BPNT2: variants seen among roughly 807,000 people sequenced by gnomAD.
The protein encoded by BPNT2 is 3'(2'), 5'-bisphosphate nucleotidase 2.
In BPNT2, 11 loss-of-function variants were observed where a neutral mutation model predicts 29.3. That is an observed-to-expected ratio of 0.38 (90% CI 0.24 to 0.62). The LOEUF is 0.62. Among genes scored for constraint, BPNT2 ranks in the 20% least tolerant of loss-of-function variants. The probability of loss-of-function intolerance (pLI) is 0.62; values close to 1 mark genes in which losing one functional copy is unlikely to be tolerated. For missense variants in BPNT2, 459 were observed against 473.4 expected (o/e 0.97, Z 0.28); for synonymous variants, 195 against 187.7 (o/e 1.04, Z -0.32).
At chr8:56,964,153 C>A in intron 4 of BPNT2, 89 bp from the exon 5 acceptor site, 1 of 943,958 alleles carries the variant, frequency 1.1e-6, no homozygotes, top group Admixed American at 2.1e-5. Flanking sequence ...GTTAAAATAG[C>A]AGGATGGAGT....
chr8:56,970,700 T>A (rs546556638), intron 3 of BPNT2, among the ~76,000 whole-genome samples: 12 of 152,298 alleles, frequency 7.9e-5, no homozygotes, highest in African/African-American at 2.9e-4. Flanking sequence ...ATCTCCTTAC[T>A]TTTTAGAGAT....
At chr8:56,987,244 T>A (rs1024400244) in intron 1 of BPNT2, among the ~76,000 whole-genome samples, 1 of 152,188 alleles carries the variant, frequency 6.6e-6, no homozygotes, top group Non-Finnish European at 1.5e-5. Context: ...TATCATACCA[T>A]AGGTGTGATA....
intron 1 of BPNT2, among the ~76,000 whole-genome samples, chr8:56,985,858 T>C (rs1208580328): frequency 6.6e-6 from 1 of 152,200 alleles, no homozygotes; most frequent in Non-Finnish European, 1.5e-5. Flanking sequence ...CAGCAGAATA[T>C]AGACAAAAAT....
At chr8:56,972,743 T>A (rs532337734) in intron 3 of BPNT2, among the ~76,000 whole-genome samples, 29 of 152,140 alleles carry the variant, frequency 1.9e-4, no homozygotes, top group African/African-American at 6.7e-4. Flanking sequence ...GAGTAGCAGC[T>A]TCTACCAACC....
At chr8:56,964,257 A>G (rs1805900959) in intron 4 of BPNT2, 193 bp from the exon 5 acceptor site, 1 of 515,114 alleles carries the variant, frequency 1.9e-6, no homozygotes, top group Non-Finnish European at 3.4e-6. Flanking sequence ...CATTAAACTC[A>G]GAACAAAAAT....
intron 2 of BPNT2, among the ~76,000 whole-genome samples, chr8:56,979,041 A>G (rs115859011): frequency 3.3e-3 from 496 of 152,316 alleles, no homozygotes; most frequent in African/African-American, 0.011. Flanking sequence ...CCTGAACTTA[A>G]AAGTTTTAAA....
chr8:56,966,404 G>A, intron 3 of BPNT2, 52 bp from the exon 4 acceptor site: 1 of 1,504,668 alleles, frequency 6.6e-7, no homozygotes, highest in Non-Finnish European at 9.2e-7. Context: ...TAAAACTAAA[G>A]GTTATATTCT....
rs1805830982 is a variant in BPNT2 at position 56,961,412 on chromosome 8, G to A, written c.*2381C>T. 6.6e-6 allele frequency: 1 copy of A among 151,814 alleles called. No homozygotes were observed. Among genetic ancestry groups the A allele is most frequent in the South Asian group, 2.1e-4 (1 of 4,826 alleles). 9.4% of individuals were successfully genotyped at this position (151,814 alleles called of 1,614,324 possible). ...TTTAAAAACAAACAATTTTAAAAAT[G>A]AACTTTTTATAAAAGTACTTAAAAA... On this transcript the variant is annotated 3_prime_UTR_variant, in exon 5 of 5. Coordinates refer to ENST00000262644, the MANE Select transcript of BPNT2 (RefSeq NM_017813.5).
rs1805792530 is a variant in BPNT2, at chr8:56,959,555, A to C, written c.*4238T>G. ...TACCATAAATAAATAGTCACTTTTT[A>C]AACCAAAATGACTGTAGAGGACTAA... On this transcript the variant is annotated 3_prime_UTR_variant, in exon 5 of 5. Coordinates refer to ENST00000262644, the MANE Select transcript of BPNT2 (RefSeq NM_017813.5). The C allele has an allele frequency of 6.6e-6, 1 of 152,192 alleles. No individual in the cohort carries two copies. Among genetic ancestry groups the C allele is most frequent in the South Asian group, 2.1e-4 (1 of 4,834 alleles). The allele number at this position is 152,192 out of a possible 1,614,324, so 9.4% of individuals were successfully genotyped here. A position where few individuals can be genotyped will look rare whatever the true frequency, so the allele number is the denominator to read the frequency against.
At chr8:56,981,578 A>T (rs1469182770) in intron 1 of BPNT2, among the ~76,000 whole-genome samples, 1 of 152,188 alleles carries the variant, frequency 6.6e-6, no homozygotes, top group Non-Finnish European at 1.5e-5. Flanking sequence ...AAAACAAAAA[A>T]TAAATAATAA....
rs1376974947 is a variant in BPNT2, at chr8:56,960,749, TAGAA to T, written c.*3040_*3043del. 1.3e-5 allele frequency: 2 copies of T among 152,110 alleles called. No homozygotes were observed. The highest frequency in any genetic ancestry group is 2.4e-5 in the African/African-American group (1 of 41,426). The allele number at this position is 152,110 out of a possible 1,614,324, so 9.4% of individuals were successfully genotyped here. A position where few individuals can be genotyped will look rare whatever the true frequency, so the allele number is the denominator to read the frequency against. On this transcript the variant is annotated 3_prime_UTR_variant, in exon 5 of 5. Transcript: ENST00000262644. ...TACATTTACATTCTTGAACAATGGG[TAGAA>T]AGAAATACTTCGTAAAAACACTCAT... is the stretch of plus-strand genomic sequence containing the variant.
intron 1 of BPNT2, among the ~76,000 whole-genome samples, chr8:56,989,656 T>C (rs1585569348): frequency 6.6e-6 from 1 of 152,168 alleles, no homozygotes; most frequent in Non-Finnish European, 1.5e-5. Flanking sequence ...CTAGTTCCTA[T>C]CTACCTCCAA....
rs145484021 is a variant in BPNT2 at position 56,993,239 on chromosome 8, T to C, written c.347A>G (p.Lys116Arg). Reference protein sequence around the residue: ...MTSGDVLSNRKMFYLLKTAFP... With the variant: ...MTSGDVLSNRRMFYLLKTAFP... ...GGCGGTCTTGAGCAGGTAGAACATC[T>C]TGCGGTTGGACAGCACGTCGCCGCT... Residue 116 changes from lysine to arginine, a missense_variant, in exon 1 of 5, where the codon AAG (lysine) becomes AGG (arginine). Coordinates refer to ENST00000262644, the MANE Select transcript of BPNT2 (RefSeq NM_017813.5). The C allele has an allele frequency of 6.2e-6, 10 of 1,607,074 alleles. No homozygotes were observed. Among genetic ancestry groups the C allele is most frequent in the Non-Finnish European group, 8.5e-6 (10 of 1,179,826 alleles).
chr8:56,986,461 A>G (rs770750761), intron 1 of BPNT2, among the ~76,000 whole-genome samples: 14 of 152,256 alleles, frequency 9.2e-5, no homozygotes, highest in Non-Finnish European at 1.5e-4. Flanking sequence ...TATGCTAAAC[A>G]ATACCTTAAA....
intron 2 of BPNT2, 132 bp downstream of exon 2, chr8:56,979,903 T>C (rs947126615): frequency 2.5e-6 from 2 of 786,102 alleles, no homozygotes; most frequent in Non-Finnish European, 4.3e-6. Context: ...TAAAACATTT[T>C]GCTACTACTG....
intron 3 of BPNT2, among the ~76,000 whole-genome samples, chr8:56,966,794 G>C (rs1475524758): frequency 6.6e-6 from 1 of 152,074 alleles, no homozygotes; most frequent in African/African-American, 2.4e-5. Context: ...TGCAACATAA[G>C]CACAAGTAAC....
At chr8:56,992,776 G>C (rs1175956539) in intron 1 of BPNT2, among the ~76,000 whole-genome samples, 1 of 142,886 alleles carries the variant, frequency 7.0e-6, no homozygotes, top group Non-Finnish European at 1.5e-5. Flanking sequence ...CGGTCTTTCA[G>C]CTGGCTACTG....
chr8:56,972,094 GA>G (rs953725281), intron 3 of BPNT2, among the ~76,000 whole-genome samples: 141 of 140,808 alleles, frequency 1.0e-3, no homozygotes, highest in Non-Finnish European at 1.5e-3. Context: ...TCAAAAAAAA[GA>G]AAAAAAAAAA....
chr8:56,991,738 G>A (rs1222004192), intron 1 of BPNT2, among the ~76,000 whole-genome samples: 2 of 152,092 alleles, frequency 1.3e-5, no homozygotes, highest in Non-Finnish European at 2.9e-5. Context: ...TCAATAAATG[G>A]TTATTATTAG....
Sources: allele counts gnomAD v4.1 joint callset (sites outside exome capture counted in the v4.1 genomes callset), GRCh38; gene constraint gnomAD v4.1.1; transcripts MANE v1.5; gene names NCBI Gene and HGNC (gene_info 2026-07-23, HGNC 2026-07-21).